The following CNGB3 variants were observed in gnomAD, a reference collection of about 807,000 sequenced individuals.
The protein encoded by CNGB3 is cyclic nucleotide gated channel subunit beta 3.
Under a neutral mutation model 92.8 loss-of-function variants are expected in CNGB3, and 86 were observed. That is an observed-to-expected ratio of 0.93 (90% CI 0.78 to 1.11). The LOEUF is 1.11. Ranked by LOEUF, CNGB3 falls within the 50% of genes least tolerant of loss-of-function variation. The pLI is 0.00. For synonymous variants in CNGB3, 333 were observed against 332.7 expected, an observed-to-expected ratio of 1.00 and a Z score of -0.01; for missense variants, 1,026 against 956.8, an observed-to-expected ratio of 1.07 and a Z score of -0.95.
intron 13 of CNGB3, among the ~76,000 whole-genome samples, chr8:86,618,254 G>C (rs768754067): frequency 6.6e-6 from 1 of 152,144 alleles, no homozygotes; most frequent in African/African-American, 2.4e-5. Context: ...TTTGCTGCCC[G>C]GTTCCCAACA....
At chr8:86,594,330 C>T (rs1822122875) in intron 15 of CNGB3, 3 of 321,478 alleles carry the variant, frequency 9.3e-6, no homozygotes, top group Non-Finnish European at 1.8e-5. Context: ...GAGTCTGATT[C>T]GTCCACCAGC....
At chr8:86,701,088 A>C (rs1824547339) in intron 3 of CNGB3, among the ~76,000 whole-genome samples, 1 of 152,186 alleles carries the variant, frequency 6.6e-6, no homozygotes, top group African/African-American at 2.4e-5. Flanking sequence ...CAAATGCTTT[A>C]ATTTTTTATA....
intron 13 of CNGB3, among the ~76,000 whole-genome samples, chr8:86,621,565 C>T (rs566310568): frequency 6.6e-6 from 1 of 151,938 alleles, no homozygotes; most frequent in Admixed American, 6.6e-5. Context: ...TTTTGGTGCA[C>T]CTGTCACCGA....
At chr8:86,726,726 T>C in intron 2 of CNGB3, 69 bp from the exon 3 acceptor site, 1 of 1,567,104 alleles carries the variant, frequency 6.4e-7, no homozygotes, top group South Asian at 1.1e-5. Context: ...TTTGGCAACA[T>C]GAGCTACAAA....
chr8:86,710,908 C>A (rs1170171788), intron 3 of CNGB3, among the ~76,000 whole-genome samples: 1 of 152,052 alleles, frequency 6.6e-6, no homozygotes, highest in Non-Finnish European at 1.5e-5. Context: ...TGACCACATG[C>A]CAGATTTTAT....
At position 86,576,011 on chromosome 8, in the gene CNGB3, A is replaced by G. The variant is rs774113227; in HGVS notation, c.2223T>C (p.Asp741=). 6.2e-7 allele frequency: 1 copy of G among 1,612,386 alleles called. No homozygotes were observed. The highest frequency in any genetic ancestry group is 8.5e-7 in the Non-Finnish European group (1 of 1,179,308). The part of the protein sequence containing the change: ...EDKGKENEDK[D]KGREPEEKPL... The stretch of plus-strand genomic sequence containing the variant: ...GCTTCTCTTCTGGCTCTCTTCCTTT[A>G]TCTTTATCTTCATTTTCTTTTCCTT... Residue 741 remains aspartate, a synonymous_variant, in exon 18 of 18, where the codon GAT becomes GAC. Transcript: ENST00000320005.
chr8:86,667,331 AC>A (rs1823763194), intron 5 of CNGB3, among the ~76,000 whole-genome samples, 198 bp from the exon 6 acceptor site: 1 of 152,168 alleles, frequency 6.6e-6, no homozygotes, highest in African/African-American at 2.4e-5. Flanking sequence ...TGATCTTATC[AC>A]CTCTTCCGAA....
In CNGB3 at chr8:86,593,813, A is replaced by T. The variant is rs997759380; in HGVS notation, c.1781+10280T>A. The T allele has an allele frequency of 4.0e-6, 5 of 1,261,980 alleles. No individual in the cohort carries two copies. In the Admixed American group the frequency reaches 8.7e-5, roughly 22 times the overall value. 78.2% of individuals were successfully genotyped at this position (1,261,980 alleles called of 1,614,324 possible). On this transcript the variant is annotated intron_variant, in intron 15 of 17. Transcript: ENST00000320005. ...CTGGTAGTAGGGCCGCAGCTTGTCC[A>T]CATCTGTCAGGTCAGGGAAGTTGGT...
At chr8:86,593,122 C>G (rs993644556) in intron 15 of CNGB3, among the ~76,000 whole-genome samples, 3 of 152,042 alleles carry the variant, frequency 2.0e-5, no homozygotes, top group Non-Finnish European at 2.9e-5. Context: ...AGATTTTTAA[C>G]AAAATTAGAG....
At chr8:86,576,355 C>A (rs1424770638) in intron 17 of CNGB3, among the ~76,000 whole-genome samples, 1 of 152,134 alleles carries the variant, frequency 6.6e-6, no homozygotes, top group African/African-American at 2.4e-5. Context: ...GTCTGAATTG[C>A]ATTTTTTTGT....
At chr8:86,723,173 A>G (rs1304284197) in intron 3 of CNGB3, among the ~76,000 whole-genome samples, 1 of 152,102 alleles carries the variant, frequency 6.6e-6, no homozygotes, top group Non-Finnish European at 1.5e-5. Context: ...AATCCACACT[A>G]TGCATTCTCC....
At chr8:86,736,303 A>G (rs559288845) in intron 2 of CNGB3, among the ~76,000 whole-genome samples, 1 of 152,328 alleles carries the variant, frequency 6.6e-6, no homozygotes, top group South Asian at 2.1e-4. Flanking sequence ...TGTTATTCCT[A>G]TTAAAGTCTT....
At chr8:86,738,714 C>T (rs1341739246) in intron 2 of CNGB3, among the ~76,000 whole-genome samples, 1 of 151,986 alleles carries the variant, frequency 6.6e-6, no homozygotes, top group Non-Finnish European at 1.5e-5. Flanking sequence ...TGGTGTGCAC[C>T]TGTAGTCCCA....
At chr8:86,738,577 C>T (rs914579521) in intron 2 of CNGB3, among the ~76,000 whole-genome samples, 6 of 152,106 alleles carry the variant, frequency 3.9e-5, no homozygotes, top group Non-Finnish European at 7.4e-5. Flanking sequence ...CGGTGGCTCA[C>T]GCCTGTAATC....
chr8:86,642,545 C>G (rs770819967), intron 10 of CNGB3, among the ~76,000 whole-genome samples: 1 of 151,598 alleles, frequency 6.6e-6, no homozygotes, highest in Non-Finnish European at 1.5e-5. Flanking sequence ...TTTTCCCTCT[C>G]TTTGCTCTAT....
rs146161333 is a variant in CNGB3 at position 86,578,789 on chromosome 8, G to C, written c.2003C>G (p.Pro668Arg). ...PRKDLALLFP[P>R]KEETPKLFKT... is the part of the protein sequence containing the mutation. Reference sequence around the variant, plus strand: ...AAACAGTTTGGGTGTCTCTTCTTTCGGTGGGAAGAGGAGGGCAAGATCTTT... The same window carrying C: ...AAACAGTTTGGGTGTCTCTTCTTTCCGTGGGAAGAGGAGGGCAAGATCTTT... Residue 668 changes from proline (P) to arginine (R), a missense_variant, in exon 17 of 18, where the codon CCG (proline) becomes CGG (arginine). By Grantham distance (103) the Pro-to-Arg change is moderately radical (BLOSUM62 -2). Coordinates refer to ENST00000320005, the MANE Select transcript of CNGB3 (RefSeq NM_019098.5). 11 of 1,614,010 alleles carry C rather than the reference G, an allele frequency of 6.8e-6. No homozygotes were observed. The highest frequency in any genetic ancestry group is 9.3e-6 in the Non-Finnish European group (11 of 1,179,994).
intron 6 of CNGB3, among the ~76,000 whole-genome samples, chr8:86,665,608 A>C (rs530815056): frequency 3.9e-5 from 6 of 152,332 alleles, no homozygotes; most frequent in Non-Finnish European, 4.4e-5. Flanking sequence ...ACATGGATGC[A>C]GCTGGAGGCC....
At chr8:86,691,719 T>A (rs1272194583) in intron 3 of CNGB3, among the ~76,000 whole-genome samples, 1 of 152,170 alleles carries the variant, frequency 6.6e-6, no homozygotes, top group Non-Finnish European at 1.5e-5. Context: ...TTGTTTCAAT[T>A]TCATTTAGTT....
chr8:86,737,392 C>T (rs1825266812), intron 2 of CNGB3, among the ~76,000 whole-genome samples: 1 of 152,132 alleles, frequency 6.6e-6, no homozygotes, highest in Admixed American at 6.5e-5. Flanking sequence ...CTACATATGT[C>T]TGTAAAATTC....
Sources: allele counts gnomAD v4.1 joint callset (sites outside exome capture counted in the v4.1 genomes callset), GRCh38; gene constraint gnomAD v4.1.1; transcripts MANE v1.5; gene names NCBI Gene and HGNC (gene_info 2026-07-23, HGNC 2026-07-21).